ARID1B: variants seen among roughly 807,000 people sequenced by gnomAD.
ARID1B encodes AT-rich interaction domain 1B.
In ARID1B, 30 loss-of-function variants were observed where a neutral mutation model predicts 212.3. That is an observed-to-expected ratio of 0.14 (90% CI 0.11 to 0.19). ARID1B has a LOEUF of 0.19. Ranked by LOEUF, ARID1B falls within the 10% of genes least tolerant of loss-of-function variation. The pLI is 1.00. For missense variants in ARID1B, 2,891 were observed against 3,204.0 expected (o/e 0.90, Z 2.36); for synonymous variants, 1,402 against 1,301.7 (o/e 1.08, Z -1.66).
chr6:156,813,095 T>TATATATATATATAC (rs1562404644), intron 1 of ARID1B, among the ~76,000 whole-genome samples: 6 of 117,046 alleles, frequency 5.1e-5, no homozygotes, highest in African/African-American at 1.0e-4. Flanking sequence ...TGTATATACA[T>TATATATATATATAC]ACATATATAT....
intron 2 of ARID1B, among the ~76,000 whole-genome samples, chr6:156,835,278 T>A (rs1034454131): frequency 6.6e-6 from 1 of 151,946 alleles, no homozygotes; most frequent in Admixed American, 6.6e-5. Context: ...TGAAAAGATT[T>A]GTAAATTCCT....
At chr6:157,021,533 C>A (rs977146714) in intron 4 of ARID1B, among the ~76,000 whole-genome samples, 2 of 152,208 alleles carry the variant, frequency 1.3e-5, no homozygotes, top group Non-Finnish European at 2.9e-5. Context: ...CTACCCCGCA[C>A]GTAGGCTCGT....
At chr6:157,128,124 A>G (rs1788268461) in intron 6 of ARID1B, among the ~76,000 whole-genome samples, 2 of 152,106 alleles carry the variant, frequency 1.3e-5, no homozygotes, top group African/African-American at 4.8e-5. Context: ...TCGTTTCTGT[A>G]TTTAGGATGA....
At chr6:156,884,724 T>G (rs1338700259) in intron 2 of ARID1B, among the ~76,000 whole-genome samples, 1 of 152,242 alleles carries the variant, frequency 6.6e-6, no homozygotes, top group African/African-American at 2.4e-5. Context: ...GGTTCTGAGA[T>G]TCAGGAACCA....
chr6:156,959,171 T>C (rs1449356603), intron 4 of ARID1B, among the ~76,000 whole-genome samples: 1 of 152,162 alleles, frequency 6.6e-6, no homozygotes, highest in Non-Finnish European at 1.5e-5. Context: ...TATCATTCTG[T>C]TTGGGAAGGG....
Position 157,209,699 on chromosome 6 carries a change from A to G in ARID1B, c.*1808A>G. On this transcript the variant is annotated 3_prime_UTR_variant, in exon 20 of 20. Coordinates refer to ENST00000636930, the MANE Select transcript of ARID1B (RefSeq NM_001374828.1). ...TTACTCCACCGTGTATAATATTTATACTGTGCAATGTTAAAAAAGAATCTG... is the reference window on the plus strand; with the variant it reads ...TTACTCCACCGTGTATAATATTTATGCTGTGCAATGTTAAAAAAGAATCTG... 1 of 233,242 alleles carries G rather than the reference A, an allele frequency of 4.3e-6. No homozygotes were observed. Among genetic ancestry groups the G allele is most frequent in the Non-Finnish European group, 8.5e-6 (1 of 118,030 alleles). 14.4% of individuals were successfully genotyped at this position (233,242 alleles called of 1,614,324 possible).
chr6:157,068,889 A>G (rs1420764387), intron 4 of ARID1B, among the ~76,000 whole-genome samples: 1 of 152,200 alleles, frequency 6.6e-6, no homozygotes, highest in Non-Finnish European at 1.5e-5. Context: ...GAACCTGTGC[A>G]TAGTTTTGAT....
chr6:156,852,458 CT>C (rs1413545363), intron 2 of ARID1B, among the ~76,000 whole-genome samples: 1 of 138,598 alleles, frequency 7.2e-6, no homozygotes, highest in African/African-American at 2.6e-5. Context: ...TTCCCTGTCT[CT>C]TAAAAAAAAA....
intron 3 of ARID1B, among the ~76,000 whole-genome samples, chr6:156,929,296 C>T (rs995162010): frequency 6.6e-6 from 1 of 152,154 alleles, no homozygotes. Flanking sequence ...ATTTATATCG[C>T]TTTCCTTTTG....
At chr6:156,782,747 A>C (rs1015133235) in intron 1 of ARID1B, among the ~76,000 whole-genome samples, 3 of 152,122 alleles carry the variant, frequency 2.0e-5, no homozygotes, top group Non-Finnish European at 4.4e-5. Context: ...TTGTGGCCTA[A>C]ATTTATATAT....
At chr6:156,823,397 G>C (rs1017291132) in intron 1 of ARID1B, among the ~76,000 whole-genome samples, 21 of 152,204 alleles carry the variant, frequency 1.4e-4, no homozygotes, top group Admixed American at 7.2e-4. Context: ...CGAGGTCCCT[G>C]GTGGGACAGG....
chr6:157,051,929 G>A (rs1782631687), intron 4 of ARID1B, among the ~76,000 whole-genome samples: 1 of 152,152 alleles, frequency 6.6e-6, no homozygotes, highest in South Asian at 2.1e-4. Flanking sequence ...TATCTGTATG[G>A]TTATTTATAT....
rs1237785051 is a variant in ARID1B at position 157,004,923 on chromosome 6, T to G, written c.2247+69347T>G. ...TTTTTTTTTTTTTTTTTTTTTTTTT[T>G]TTTTTTTTGAGATGAGCCTTGCTCT... On this transcript the variant is annotated intron_variant, in intron 4 of 19. Coordinates refer to ENST00000636930, the MANE Select transcript of ARID1B (RefSeq NM_001374828.1). Among the ~76,000 whole-genome samples, 8 of 131,058 alleles carry G rather than the reference T, an allele frequency of 6.1e-5. No individual in the cohort carries two copies. In the East Asian group the frequency reaches 8.2e-4, roughly 13 times the overall value. 86.0% of individuals were successfully genotyped at this position (131,058 alleles called of 152,430 possible).
At chr6:157,021,962 C>A (rs1170710427) in intron 4 of ARID1B, among the ~76,000 whole-genome samples, 2 of 152,210 alleles carry the variant, frequency 1.3e-5, no homozygotes, top group African/African-American at 4.8e-5. Flanking sequence ...TATTTTTCCC[C>A]TACTTCCTTT....
intron 12 of ARID1B, among the ~76,000 whole-genome samples, chr6:157,182,181 C>G (rs1007449917): frequency 3.3e-5 from 5 of 152,156 alleles, no homozygotes; most frequent in Non-Finnish European, 7.4e-5. Flanking sequence ...CCCAGGAGTT[C>G]AAGGTTACAG....
intron 5 of ARID1B, among the ~76,000 whole-genome samples, chr6:157,098,551 T>G (rs896462451): frequency 2.0e-5 from 3 of 152,260 alleles, no homozygotes; most frequent in African/African-American, 7.2e-5. Flanking sequence ...TCATGGACTT[T>G]CACAGGGGAT....
At chr6:156,988,544 C>T (rs1310620844) in intron 4 of ARID1B, among the ~76,000 whole-genome samples, 1 of 152,158 alleles carries the variant, frequency 6.6e-6, no homozygotes, top group African/African-American at 2.4e-5. Flanking sequence ...CTTGCTTCTA[C>T]TAGGAAGTGA....
chr6:156,799,153 G>A (rs139113359), intron 1 of ARID1B, among the ~76,000 whole-genome samples: 2 of 132,616 alleles, frequency 1.5e-5, no homozygotes, highest in African/African-American at 2.7e-5. Flanking sequence ...TTTTGCTGTT[G>A]TAGTGAAATA....
chr6:157,052,157 A>G (rs1782649937), intron 4 of ARID1B, among the ~76,000 whole-genome samples: 1 of 152,178 alleles, frequency 6.6e-6, no homozygotes, highest in African/African-American at 2.4e-5. Context: ...AGGTGAAGCA[A>G]TGAAAATAAA....
Sources: allele counts gnomAD v4.1 joint callset (sites outside exome capture counted in the v4.1 genomes callset), GRCh38; gene constraint gnomAD v4.1.1; transcripts MANE v1.5; gene names NCBI Gene and HGNC (gene_info 2026-07-23, HGNC 2026-07-21).